The following HTR7 variants were observed in gnomAD, a reference collection of about 807,000 sequenced individuals.
HTR7 encodes 5-HT-7.
In HTR7, 16 loss-of-function variants were observed where a neutral mutation model predicts 34.0. That is an observed-to-expected ratio of 0.47 (90% CI 0.32 to 0.71). HTR7 has a LOEUF of 0.71. Ranked by LOEUF, HTR7 falls within the 30% of genes least tolerant of loss-of-function variation. HTR7 has a pLI of 0.04. For missense variants in HTR7, 504 were observed against 625.5 expected, an observed-to-expected ratio of 0.81 and a Z score of 2.07; for synonymous variants, 265 against 260.2, an observed-to-expected ratio of 1.02 and a Z score of -0.18.
intron 1 of HTR7, among the ~76,000 whole-genome samples, chr10:90,794,404 G>A (rs536482659): frequency 6.6e-6 from 1 of 152,164 alleles, no homozygotes; most frequent in African/African-American, 2.4e-5. Flanking sequence ...ACAATTAGAA[G>A]TATAGTATAG....
At chr10:90,744,616 A>C (rs144132381) in intron 2 of HTR7, among the ~76,000 whole-genome samples, 1,762 of 151,734 alleles carry the variant, frequency 0.012, 32 homozygotes, top group African/African-American at 0.036. Context: ...TATACTGTAA[A>C]ATCCTTAAGA....
chr10:90,784,660 G>C (rs1310631963), intron 1 of HTR7, among the ~76,000 whole-genome samples: 4 of 152,122 alleles, frequency 2.6e-5, no homozygotes, highest in Non-Finnish European at 5.9e-5. Flanking sequence ...GAAGCCAAGA[G>C]GTTTGCTTAA....
chr10:90,765,476 A>T (rs1055073598), intron 1 of HTR7, among the ~76,000 whole-genome samples: 2 of 150,918 alleles, frequency 1.3e-5, no homozygotes, highest in African/African-American at 2.4e-5. Flanking sequence ...TCCAAAAAAA[A>T]CTAGCTCTGG....
chr10:90,752,605 C>T (rs1844757238), intron 1 of HTR7, among the ~76,000 whole-genome samples: 1 of 151,764 alleles, frequency 6.6e-6, no homozygotes, highest in Non-Finnish European at 1.5e-5. Context: ...TGAAGGGATA[C>T]TTATCCCATT....
intron 1 of HTR7, among the ~76,000 whole-genome samples, chr10:90,777,090 G>A (rs909646790): frequency 1.3e-5 from 2 of 152,184 alleles, no homozygotes; most frequent in African/African-American, 4.8e-5. Context: ...AGCAGGCCAG[G>A]ACAGGTATAG....
intron 1 of HTR7, among the ~76,000 whole-genome samples, chr10:90,841,726 G>A (rs1339510067): frequency 1.3e-5 from 2 of 152,174 alleles, no homozygotes; most frequent in East Asian, 1.9e-4. Flanking sequence ...CTGGCCGGGC[G>A]TGATGGCTCA....
intron 1 of HTR7, among the ~76,000 whole-genome samples, chr10:90,779,305 T>G (rs1026225846): frequency 8.5e-5 from 13 of 152,102 alleles, no homozygotes; most frequent in South Asian, 2.1e-4. Context: ...AATGACAAAA[T>G]AGAATTCTCT....
rs1172178958 is a variant in HTR7 at position 90,857,263 on chromosome 10, A to G, written c.409T>C (p.Phe137Leu). 6.2e-7 allele frequency: 1 copy of G among 1,613,374 alleles called. No individual in the cohort carries two copies. Among genetic ancestry groups the G allele is most frequent in the Non-Finnish European group, 8.5e-7 (1 of 1,179,782 alleles). The stretch of plus-strand genomic sequence containing the variant: ...CCGATGAGGTCGGTGACGCTGACGA[A>G]GGGCATGACCGCCACAGCCACCGAG... ...DLSVAVAVMP[F>L]VSVTDLIGGK... is the part of the protein sequence containing the mutation. The change falls in exon 1 of 4, where the codon TTC (phenylalanine) becomes CTC (leucine). Residue 137 changes from phenylalanine to leucine, a missense_variant. Transcript: ENST00000336152. The surrounding 1 kb of genome is among the most constrained non-coding windows in gnomAD (Gnocchi z 6.5).
intron 1 of HTR7, among the ~76,000 whole-genome samples, chr10:90,830,941 A>C (rs1846159737): frequency 6.6e-6 from 1 of 152,190 alleles, no homozygotes. Flanking sequence ...ATCTCCAGAC[A>C]AGAGGTCAGT....
At chr10:90,747,165 C>T (rs900940276) in intron 2 of HTR7, among the ~76,000 whole-genome samples, 2 of 152,172 alleles carry the variant, frequency 1.3e-5, no homozygotes, top group Admixed American at 6.5e-5. Flanking sequence ...GCTAGAAGCA[C>T]CTATTTTGCA....
intron 1 of HTR7, among the ~76,000 whole-genome samples, chr10:90,792,618 G>A (rs900041820): frequency 6.6e-6 from 1 of 151,928 alleles, no homozygotes; most frequent in African/African-American, 2.4e-5. Context: ...TTACCATTCG[G>A]TATGCTCCTC....
chr10:90,762,288 C>T (rs577914617), intron 1 of HTR7, among the ~76,000 whole-genome samples: 35 of 152,180 alleles, frequency 2.3e-4, no homozygotes, highest in Admixed American at 2.2e-3. Context: ...AGCATCCTCA[C>T]GAACACTCGT....
intron 1 of HTR7, among the ~76,000 whole-genome samples, chr10:90,839,501 G>A (rs895546508): frequency 6.6e-6 from 1 of 152,162 alleles, no homozygotes; most frequent in African/African-American, 2.4e-5. Context: ...TTTAGAGAAT[G>A]GAATATGTTA....
chr10:90,806,692 G>T (rs1845712348), intron 1 of HTR7, among the ~76,000 whole-genome samples: 1 of 152,178 alleles, frequency 6.6e-6, no homozygotes, highest in Non-Finnish European at 1.5e-5. Context: ...AATGGATCCA[G>T]CTCCTGGGGA....
At chr10:90,769,179 T>C (rs182957803) in intron 1 of HTR7, among the ~76,000 whole-genome samples, 2 of 152,356 alleles carry the variant, frequency 1.3e-5, no homozygotes, top group African/African-American at 4.8e-5. Context: ...ATACCATGCA[T>C]AGTAATCTAA....
chr10:90,780,253 C>T (rs759113324), intron 1 of HTR7, among the ~76,000 whole-genome samples: 6 of 151,902 alleles, frequency 3.9e-5, no homozygotes, highest in African/African-American at 1.5e-4. Context: ...AAATAAAATT[C>T]GGCCGGGCGC....
chr10:90,796,421 T>G (rs149372049), intron 1 of HTR7, among the ~76,000 whole-genome samples: 50 of 152,340 alleles, frequency 3.3e-4, no homozygotes, highest in African/African-American at 1.2e-3. Flanking sequence ...AAAAGTAATT[T>G]GTGTGCTTTC....
Position 90,742,440 on chromosome 10 carries a change from C to G in HTR7, c.*42G>C. 1 of 1,506,968 alleles carries G rather than the reference C, an allele frequency of 6.6e-7. No homozygotes were observed. Among genetic ancestry groups the G allele is most frequent in the Non-Finnish European group, 9.1e-7 (1 of 1,096,270 alleles). 93.3% of individuals were successfully genotyped at this position (1,506,968 alleles called of 1,614,324 possible). ...AGCAAATGACTTCCTTCTGTTTCCACCTCTATTTTGCCTTGTTTATTTCAT... is the reference window on the plus strand; with the variant it reads ...AGCAAATGACTTCCTTCTGTTTCCAGCTCTATTTTGCCTTGTTTATTTCAT... On this transcript the variant is annotated 3_prime_UTR_variant, in exon 4 of 4. Coordinates refer to ENST00000336152, the MANE Select transcript of HTR7 (RefSeq NM_019859.4).
intron 1 of HTR7, among the ~76,000 whole-genome samples, chr10:90,851,388 T>C (rs888936182): frequency 6.6e-6 from 1 of 151,714 alleles, no homozygotes; most frequent in Non-Finnish European, 1.5e-5. Context: ...GGGCGGATCA[T>C]GAGGTCAGGA....
Sources: allele counts gnomAD v4.1 joint callset (sites outside exome capture counted in the v4.1 genomes callset), GRCh38; gene constraint gnomAD v4.1.1; non-coding constraint Gnocchi (gnomAD v3.1); transcripts MANE v1.5; gene names NCBI Gene and HGNC (gene_info 2026-07-23, HGNC 2026-07-21).